ICA1: variants seen among roughly 807,000 people sequenced by gnomAD.
ICA1 encodes islet cell autoantigen 1.
A neutral mutation model predicts 71.0 loss-of-function variants in ICA1; 40 were observed. The ratio of observed to expected loss-of-function variants is 0.56; its 90% CI spans 0.44 to 0.73. ICA1 has a LOEUF of 0.73. ICA1 is among the 30% of genes least tolerant of loss of function. ICA1 has a pLI of 0.00. For missense variants in ICA1, 578 were observed against 576.5 expected (o/e 1.00, Z -0.03); for synonymous variants, 207 against 209.5 (o/e 0.99, Z 0.10).
Position 8,173,879 on chromosome 7 carries a change from C to T in ICA1, c.580-15227G>A, listed in dbSNP as rs557680449. Among the ~76,000 whole-genome samples, 9 of 152,128 alleles carry T rather than the reference C, an allele frequency of 5.9e-5. No individual in the cohort carries two copies. The highest frequency in any genetic ancestry group is 4.6e-4 in the Admixed American group (7 of 15,298). On this transcript the variant is annotated intron_variant, in intron 6 of 13. Transcript: ENST00000402384. The surrounding 1 kb of genome is among the most constrained non-coding windows in gnomAD (Gnocchi z 4.0). ...AGCAGAGAATAAAGCAAAGTCTTTG[C>T]TTTCATGATGGTTATGTTGTAGTGG...
intron 6 of ICA1, among the ~76,000 whole-genome samples, chr7:8,196,416 A>G (rs1397937064): frequency 6.6e-6 from 1 of 152,268 alleles, no homozygotes; most frequent in African/African-American, 2.4e-5. Context: ...CCCATATGCT[A>G]CTAGAATGGT....
intron 12 of ICA1, among the ~76,000 whole-genome samples, chr7:8,134,484 C>T (rs1247266524): frequency 6.6e-6 from 1 of 152,186 alleles, no homozygotes; most frequent in Non-Finnish European, 1.5e-5. Flanking sequence ...AGATAAATGT[C>T]ACTTAATTTA....
chr7:8,131,289 C>A lies in ICA1; in HGVS notation c.1061-3147G>T, dbSNP rs115092558. On this transcript the variant is annotated intron_variant, in intron 12 of 13. Coordinates refer to ENST00000402384, the MANE Select transcript of ICA1 (RefSeq NM_001136020.3). ...AATCCACAACTGAGTGTCCCCATTA[C>A]ATGGATCAATACATTCTTTTTTGCT... 7.2e-3 allele frequency among the ~76,000 whole-genome samples: 1,092 copies of A among 152,334 alleles called. 24 individuals are homozygous for A. Among genetic ancestry groups the A allele is most frequent in the African/African-American group, 0.025 (1,050 of 41,584 alleles).
chr7:8,146,877 C>T (rs1797148209), intron 8 of ICA1, among the ~76,000 whole-genome samples: 1 of 128,186 alleles, frequency 7.8e-6, no homozygotes, highest in Non-Finnish European at 1.8e-5. Context: ...CACACACACA[C>T]ACACGCACAC....
In ICA1 at chr7:8,119,925, A is replaced by T. The variant is rs571502702; in HGVS notation, c.1331-5881T>A. On this transcript the variant is annotated intron_variant, in intron 13 of 13. Transcript: ENST00000402384. ...GTGATTTAAAAGATGATAATGGCAGATTCCTTTATAGACAAAACAGATATC... is the reference window on the plus strand; with the variant it reads ...GTGATTTAAAAGATGATAATGGCAGTTTCCTTTATAGACAAAACAGATATC... Among the ~76,000 whole-genome samples the T allele has an allele frequency of 2.0e-5, 3 of 152,354 alleles. No homozygotes were observed. In the South Asian group the frequency reaches 6.2e-4, roughly 32 times the overall value.
chr7:8,153,169 T>C lies in ICA1; in HGVS notation c.804+3947A>G, dbSNP rs894153203. Among the ~76,000 whole-genome samples, 33 of 152,348 alleles carry C rather than the reference T, an allele frequency of 2.2e-4. 1 individual carries two copies. The highest frequency in any genetic ancestry group is 2.1e-4 in the South Asian group (1 of 4,830). On this transcript the variant is annotated intron_variant, in intron 8 of 13. Coordinates refer to ENST00000402384, the MANE Select transcript of ICA1 (RefSeq NM_001136020.3). ...TGGCTGGCTCCAGAGATTGTGCTTT[T>C]ATATACTTTGTTTTATCACAAAACC...
chr7:8,121,651 AAT>A (rs1786997685), intron 13 of ICA1, among the ~76,000 whole-genome samples: 1 of 152,204 alleles, frequency 6.6e-6, no homozygotes, highest in Non-Finnish European at 1.5e-5. Context: ...TGGGTACAAA[AAT>A]ATAGTTAGAT....
At chr7:8,218,587 T>C in intron 5 of ICA1, 84 bp from the exon 6 acceptor site, 11 of 1,082,810 alleles carry the variant, frequency 1.0e-5, no homozygotes, top group Non-Finnish European at 1.5e-5. Context: ...CTTAGACTCG[T>C]GAGTCTAGAA....
Position 8,173,172 on chromosome 7 carries a change from G to A in ICA1, c.580-14520C>T, listed in dbSNP as rs1779430955. 6.6e-6 allele frequency among the ~76,000 whole-genome samples: 1 copy of A among 152,154 alleles called. No individual in the cohort carries two copies. Among genetic ancestry groups the A allele is most frequent in the African/African-American group, 2.4e-5 (1 of 41,436 alleles). Reference sequence around the variant, plus strand: ...TCTGACTATCATGTCCCCTCTCTAAGTAACCAGGGCTCCTTGACAAAACTG... The same window carrying A: ...TCTGACTATCATGTCCCCTCTCTAAATAACCAGGGCTCCTTGACAAAACTG... On this transcript the variant is annotated intron_variant, in intron 6 of 13. Coordinates refer to ENST00000402384, the MANE Select transcript of ICA1 (RefSeq NM_001136020.3). This position sits in a 1 kb window ranked among gnomAD's most constrained non-coding sequence, Gnocchi z 4.0.
chr7:8,249,320 A>T (rs1168567590), intron 1 of ICA1, among the ~76,000 whole-genome samples: 1 of 152,262 alleles, frequency 6.6e-6, no homozygotes, highest in African/African-American at 2.4e-5. Flanking sequence ...GGCAGAGGAA[A>T]TGCAGTGAAC....
In ICA1 at chr7:8,228,677, T is replaced by C. The variant is rs1282298972; in HGVS notation, c.184-4A>G. The C allele has an allele frequency of 1.3e-6, 2 of 1,583,972 alleles. No individual in the cohort carries two copies. The highest frequency in any genetic ancestry group is 1.7e-6 in the Non-Finnish European group (2 of 1,161,102). On this transcript the variant is annotated splice_region_variant and splice_polypyrimidine_tract_variant and intron_variant, in intron 3 of 13. Transcript: ENST00000402384. ...TTCTCTGAATTGAATGAAACAGCTG[T>C]AATAAAAATACAAACAAAATGCAAA...
At chr7:8,178,444 T>C (rs930294255) in intron 6 of ICA1, among the ~76,000 whole-genome samples, 2 of 152,204 alleles carry the variant, frequency 1.3e-5, no homozygotes, top group African/African-American at 4.8e-5. Context: ...CCAGTACTGA[T>C]AGTAGGTGCT....
At chr7:8,136,707 G>C (rs1793543170) in intron 12 of ICA1, among the ~76,000 whole-genome samples, 1 of 152,150 alleles carries the variant, frequency 6.6e-6, no homozygotes, top group Non-Finnish European at 1.5e-5. Flanking sequence ...CAATACTTCT[G>C]CCTGAGAACA....
At chr7:8,134,266 C>T (rs1792533363) in intron 12 of ICA1, among the ~76,000 whole-genome samples, 1 of 152,144 alleles carries the variant, frequency 6.6e-6, no homozygotes, top group Non-Finnish European at 1.5e-5. Context: ...AGAACTGATC[C>T]TGAACCAATG....
chr7:8,251,348 A>G (rs1374717183), intron 1 of ICA1, among the ~76,000 whole-genome samples: 2 of 151,268 alleles, frequency 1.3e-5, no homozygotes, highest in Non-Finnish European at 2.9e-5. Context: ...ATGCTCCTTG[A>G]TATAAATAAA....
At chr7:8,244,458 G>T (rs574694651) in intron 1 of ICA1, among the ~76,000 whole-genome samples, 89 of 152,284 alleles carry the variant, frequency 5.8e-4, no homozygotes, top group African/African-American at 2.1e-3. Context: ...AAAAACCCTA[G>T]AGGAAAACCT....
intron 1 of ICA1, among the ~76,000 whole-genome samples, chr7:8,240,604 C>T (rs1803454281): frequency 6.6e-6 from 1 of 152,132 alleles, no homozygotes; most frequent in South Asian, 2.1e-4. Flanking sequence ...TTGGTAATAA[C>T]AAACTTCTCC....
chr7:8,154,751 T>A (rs182918329), intron 8 of ICA1, among the ~76,000 whole-genome samples: 1 of 152,244 alleles, frequency 6.6e-6, no homozygotes, highest in Non-Finnish European at 1.5e-5. Context: ...TTAAAAATAC[T>A]GGTGCAAGAG....
chr7:8,148,943 C>T (rs142615220), intron 8 of ICA1, among the ~76,000 whole-genome samples: 394 of 152,314 alleles, frequency 2.6e-3, no homozygotes, highest in African/African-American at 8.8e-3. Flanking sequence ...CTCTCCCCGA[C>T]GTTGGATCAC....
Sources: gnomAD v4.1 joint callset for allele counts (sites outside exome capture counted in the v4.1 genomes callset) on GRCh38, gnomAD v4.1.1 for gene constraint, Gnocchi (gnomAD v3.1) non-coding constraint, MANE v1.5 for transcripts, NCBI Gene and HGNC (gene_info 2026-07-23, HGNC 2026-07-21) for gene names.